Variants in SNTG2 observed in about 807,000 individuals in gnomAD.
The protein encoded by SNTG2 is syntrophin gamma 2, also known as gamma-2-syntrophin.
SNTG2 carries 74 observed loss-of-function variants against 70.9 expected under a neutral mutation model. The observed-to-expected ratio is 1.04, with a 90% CI of 0.86 to 1.27. SNTG2 has a LOEUF of 1.27. Among genes scored for constraint, SNTG2 ranks in the 50% most tolerant of loss-of-function variants. SNTG2 has a pLI of 0.00. For missense variants in SNTG2, 717 were observed against 690.7 expected (o/e 1.04, Z -0.43); for synonymous variants, 278 against 273.8 (o/e 1.02, Z -0.15).
At chr2:1,151,087 A>G (rs4971391) in intron 6 of SNTG2, among the ~76,000 whole-genome samples, 141,236 of 152,218 alleles carry the variant, frequency 0.93, 65,715 homozygotes, top group Non-Finnish European at 0.97. Context: ...TATAGAATAT[A>G]TGGTATGACG....
intron 11 of SNTG2, among the ~76,000 whole-genome samples, chr2:1,245,771 G>A (rs1677386170): frequency 6.6e-6 from 1 of 152,226 alleles, no homozygotes; most frequent in African/African-American, 2.4e-5. Context: ...TTCAGACACT[G>A]GAGGAGTAAA....
intron 1 of SNTG2, among the ~76,000 whole-genome samples, chr2:1,002,606 A>T (rs970384141): frequency 6.6e-6 from 1 of 151,798 alleles, no homozygotes; most frequent in African/African-American, 2.4e-5. Context: ...ACAGATGTGT[A>T]TGAGGATGTG....
chr2:1,217,980 G>A (rs1053034243), intron 9 of SNTG2, among the ~76,000 whole-genome samples: 5 of 151,964 alleles, frequency 3.3e-5, no homozygotes, highest in African/African-American at 9.7e-5. Flanking sequence ...TGTCGGCTGG[G>A]CTGTGTTCCC....
chr2:1,010,887 G>A (rs931355658), intron 1 of SNTG2, among the ~76,000 whole-genome samples: 5 of 152,202 alleles, frequency 3.3e-5, no homozygotes, highest in Admixed American at 6.5e-5. Context: ...AGCACTTACT[G>A]TGTAGGCCCT....
At chr2:1,006,557 G>C (rs4290690) in intron 1 of SNTG2, among the ~76,000 whole-genome samples, 11,529 of 152,036 alleles carry the variant, frequency 0.076, 628 homozygotes, top group South Asian at 0.21. Context: ...GTATAGACTT[G>C]GCCCGCCACA....
At chr2:1,224,278 G>T (rs536070685) in intron 9 of SNTG2, among the ~76,000 whole-genome samples, 1 of 152,286 alleles carries the variant, frequency 6.6e-6, no homozygotes, top group Admixed American at 6.5e-5. Flanking sequence ...AGTTGCTAGG[G>T]ACACTCCACT....
At chr2:1,154,660 T>A (rs1669734931) in intron 6 of SNTG2, among the ~76,000 whole-genome samples, 1 of 152,126 alleles carries the variant, frequency 6.6e-6, no homozygotes, top group Non-Finnish European at 1.5e-5. Flanking sequence ...TACCACCGCA[T>A]GTCTAATGGA....
Position 1,092,100 on chromosome 2 carries a change from G to A in SNTG2, c.211-6096G>A, listed in dbSNP as rs531037442. On this transcript the variant is annotated intron_variant, in intron 2 of 16. Coordinates refer to ENST00000308624, the MANE Select transcript of SNTG2 (RefSeq NM_018968.4). Reference sequence around the variant, plus strand: ...CAGCCCCCTCACATAGCCCCAGGGCGAAGTCTGTTAGCACATTGTTTTCTG... The same window carrying A: ...CAGCCCCCTCACATAGCCCCAGGGCAAAGTCTGTTAGCACATTGTTTTCTG... Among the ~76,000 whole-genome samples, 45 of 152,314 alleles carry A rather than the reference G, an allele frequency of 3.0e-4. 2 individuals are homozygous for A. The highest frequency in any genetic ancestry group is 1.0e-3 in the African/African-American group (42 of 41,570).
chr2:1,183,640 G>A (rs1672071371), intron 8 of SNTG2, among the ~76,000 whole-genome samples: 3 of 152,050 alleles, frequency 2.0e-5, no homozygotes, highest in African/African-American at 4.8e-5. Flanking sequence ...ATTCAGTCTG[G>A]ACATTTTATT....
At chr2:1,021,903 C>A (rs899370778) in intron 1 of SNTG2, among the ~76,000 whole-genome samples, 3 of 150,688 alleles carry the variant, frequency 2.0e-5, no homozygotes, top group Non-Finnish European at 4.4e-5. Context: ...AAAGTGTGAG[C>A]CACCACACCT....
At chr2:1,014,072 C>T (rs1659801606) in intron 1 of SNTG2, among the ~76,000 whole-genome samples, 1 of 16,162 alleles carries the variant, frequency 6.2e-5, no homozygotes, top group Non-Finnish European at 1.2e-4. Flanking sequence ...TTTATATGGG[C>T]AGAGAGAAGG....
At chr2:1,128,061 G>A (rs6736978) in intron 4 of SNTG2, among the ~76,000 whole-genome samples, 89,820 of 151,422 alleles carry the variant, frequency 0.59, 27,312 homozygotes, top group East Asian at 0.72. Context: ...TAAGCATAAT[G>A]TTAGCTGTGG....
At chr2:1,230,104 G>A (rs896709560) in intron 9 of SNTG2, among the ~76,000 whole-genome samples, 1 of 152,260 alleles carries the variant, frequency 6.6e-6, no homozygotes, top group Admixed American at 6.5e-5. Context: ...CCAGGCAGAG[G>A]AGGCGCCGAG....
intron 1 of SNTG2, among the ~76,000 whole-genome samples, chr2:959,730 G>A (rs1034070606): frequency 1.3e-5 from 2 of 150,668 alleles, no homozygotes; most frequent in African/African-American, 4.9e-5. Context: ...CTCGGGTGCC[G>A]CTGTGCAGAT....
At chr2:1,361,649 G>T (rs1661154487) in intron 16 of SNTG2, among the ~76,000 whole-genome samples, 1 of 152,188 alleles carries the variant, frequency 6.6e-6, no homozygotes, top group Admixed American at 6.5e-5. Context: ...CACCGATGCT[G>T]AGCATTTCAG....
chr2:1,069,519 G>A (rs1321631211), intron 1 of SNTG2, among the ~76,000 whole-genome samples: 3 of 150,968 alleles, frequency 2.0e-5, no homozygotes, highest in African/African-American at 4.9e-5. Context: ...CAGGCTGGGC[G>A]CAGTGGCTCA....
chr2:1,162,071 CAA>C lies in SNTG2; in HGVS notation c.412-3456_412-3455del, dbSNP rs58579024. On this transcript the variant is annotated intron_variant, in intron 6 of 16. Transcript: ENST00000308624. ...CCTGGGCGACAGTGAGACTCCGTCT[CAA>C]AAAAAAAAAAAAAAAAAAAAGTGCT... Among the ~76,000 whole-genome samples, 260 of 89,744 alleles carry C rather than the reference CAA, an allele frequency of 2.9e-3. 2 individuals carry two copies. The highest frequency in any genetic ancestry group is 3.7e-3 in the African/African-American group (86 of 23,054). 58.9% of individuals were successfully genotyped at this position (89,744 alleles called of 152,430 possible).
chr2:1,175,063 C>T (rs975856165), intron 8 of SNTG2, among the ~76,000 whole-genome samples: 4 of 152,174 alleles, frequency 2.6e-5, no homozygotes, highest in African/African-American at 7.2e-5. Context: ...TTCATAAAGA[C>T]ACTTCCTTAT....
intron 14 of SNTG2, among the ~76,000 whole-genome samples, chr2:1,306,509 C>T (rs903351079): frequency 8.5e-5 from 13 of 152,188 alleles, no homozygotes; most frequent in African/African-American, 2.7e-4. Context: ...AAGAGCCTCC[C>T]GAGCTATGCA....
Sources: allele counts gnomAD v4.1 joint callset (sites outside exome capture counted in the v4.1 genomes callset), GRCh38; gene constraint gnomAD v4.1.1; transcripts MANE v1.5; gene names NCBI Gene and HGNC (gene_info 2026-07-23, HGNC 2026-07-21).